The following MKLN1 variants were observed in gnomAD, a reference collection of about 807,000 sequenced individuals.
MKLN1 encodes muskelin.
Under a neutral mutation model 99.0 loss-of-function variants are expected in MKLN1, and 18 were observed. That is an observed-to-expected ratio of 0.18 (90% CI 0.13 to 0.27). The LOEUF is 0.27. MKLN1 is among the 10% of genes least tolerant of loss of function. The probability of loss-of-function intolerance (pLI) is 1.00; values close to 1 mark genes in which losing one functional copy is unlikely to be tolerated. For synonymous variants in MKLN1, 288 were observed against 293.2 expected, an observed-to-expected ratio of 0.98 and a Z score of 0.18; for missense variants, 621 against 875.9, an observed-to-expected ratio of 0.71 and a Z score of 3.67.
intron 1 of MKLN1, among the ~76,000 whole-genome samples, chr7:131,337,711 TA>T (rs1279811138): frequency 6.6e-6 from 1 of 151,182 alleles, no homozygotes; most frequent in Non-Finnish European, 1.5e-5. Flanking sequence ...TGCATCTTGT[TA>T]GGCCAAATAA....
chr7:131,434,981 A>G (rs1449776681), intron 9 of MKLN1, among the ~76,000 whole-genome samples: 2 of 152,258 alleles, frequency 1.3e-5, no homozygotes, highest in East Asian at 3.8e-4. Context: ...AGTGTTCAGT[A>G]TGTCATCATT....
intron 3 of MKLN1, among the ~76,000 whole-genome samples, chr7:131,216,701 G>A (rs1311187661): frequency 2.0e-5 from 3 of 152,172 alleles, no homozygotes; most frequent in African/African-American, 7.2e-5. Flanking sequence ...AGGTCCTTGT[G>A]CTTGGTAAAC....
intron 3 of MKLN1, among the ~76,000 whole-genome samples, chr7:131,263,390 T>C (rs941354105): frequency 9.5e-6 from 1 of 105,162 alleles, no homozygotes; most frequent in Non-Finnish European, 2.3e-5. Context: ...CTGGGTGTGG[T>C]GGCATATGCC....
chr7:131,170,053 G>A (rs1454356872), intron 2 of MKLN1, among the ~76,000 whole-genome samples: 1 of 152,094 alleles, frequency 6.6e-6, no homozygotes, highest in Non-Finnish European at 1.5e-5. Flanking sequence ...TCATGCCACT[G>A]CACTGTTGGA....
chr7:131,457,169 C>T (rs1356407226), intron 12 of MKLN1, among the ~76,000 whole-genome samples: 3 of 151,270 alleles, frequency 2.0e-5, no homozygotes, highest in Non-Finnish European at 2.9e-5. Context: ...CCCAGCTACT[C>T]GGGAGGCTGA....
rs908884002 is a variant in MKLN1 at position 131,491,627 on chromosome 7, A to G, written c.*3899A>G. On this transcript the variant is annotated 3_prime_UTR_variant, in exon 18 of 18. Transcript: ENST00000352689. ...TTTCCAAGTTTGTTGAAATAATACG[A>G]AGCTGACTAGCTTACGTGAATGATG... The G allele has an allele frequency of 4.6e-5, 7 of 152,192 alleles. No homozygotes were observed. The highest frequency in any genetic ancestry group is 7.2e-5 in the African/African-American group (3 of 41,444). The allele number at this position is 152,192 out of a possible 1,614,324, so 9.4% of individuals were successfully genotyped here. A position where few individuals can be genotyped will look rare whatever the true frequency, so the allele number is the denominator to read the frequency against.
chr7:131,370,404 C>T (rs1384428752), intron 1 of MKLN1, among the ~76,000 whole-genome samples: 10 of 126,072 alleles, frequency 7.9e-5, no homozygotes, highest in African/African-American at 1.8e-4. Context: ...TTTTTAAAGT[C>T]TTTAATTCTT....
chr7:131,280,743 G>A lies in MKLN1; in HGVS notation c.-179+77769G>A, dbSNP rs558225682. 9.2e-5 allele frequency among the ~76,000 whole-genome samples: 14 copies of A among 152,014 alleles called. No homozygotes were observed. In the South Asian group the frequency reaches 2.1e-3, roughly 23 times the overall value. Reference sequence around the variant, plus strand: ...GGCTCACAGCAACCTCCACCTTCCGGGTTAATGCAATTCTTGTGCCTCAGC... The same window carrying A: ...GGCTCACAGCAACCTCCACCTTCCGAGTTAATGCAATTCTTGTGCCTCAGC... On this transcript the variant is annotated intron_variant, in intron 3 of 7. Coordinates refer to the MKLN1 transcript ENST00000416992.
intron 15 of MKLN1, 46 bp downstream of exon 15, chr7:131,466,461 A>G (rs768974895): frequency 3.1e-5 from 44 of 1,400,510 alleles, no homozygotes; most frequent in African/African-American, 7.2e-5. Context: ...ATTATCAGCT[A>G]TATTTCTCTT....
chr7:131,127,483 T>A (rs1795482494), intron 1 of MKLN1, among the ~76,000 whole-genome samples: 1 of 152,132 alleles, frequency 6.6e-6, no homozygotes, highest in African/African-American at 2.4e-5. Context: ...AGAGAGCCCA[T>A]TGCCGGCCCA....
intron 3 of MKLN1, among the ~76,000 whole-genome samples, chr7:131,296,850 C>T (rs1798298031): frequency 6.6e-6 from 1 of 152,152 alleles, no homozygotes; most frequent in African/African-American, 2.4e-5. Flanking sequence ...GATCCTTCCA[C>T]CTCAGCCTCC....
chr7:131,355,180 A>G (rs745893513), intron 1 of MKLN1, among the ~76,000 whole-genome samples: 12 of 152,096 alleles, frequency 7.9e-5, no homozygotes, highest in African/African-American at 9.7e-5. Flanking sequence ...ATGCTTTAAC[A>G]TCTGACAGGG....
At chr7:131,363,421 GT>G (rs1323177356) in intron 1 of MKLN1, among the ~76,000 whole-genome samples, 1 of 151,884 alleles carries the variant, frequency 6.6e-6, no homozygotes, top group Non-Finnish European at 1.5e-5. Flanking sequence ...GTCTATTTCT[GT>G]TTCTTGCAAT....
At chr7:131,383,033 A>G (rs1793900432) in intron 2 of MKLN1, among the ~76,000 whole-genome samples, 1 of 152,116 alleles carries the variant, frequency 6.6e-6, no homozygotes, top group Admixed American at 6.6e-5. Context: ...AGCTACGGAT[A>G]TTTTATATAT....
chr7:131,393,113 A>G (rs1352082207), intron 4 of MKLN1, among the ~76,000 whole-genome samples: 1 of 152,146 alleles, frequency 6.6e-6, no homozygotes, highest in East Asian at 1.9e-4. Flanking sequence ...CCATTTTATG[A>G]AAAAAGGTGA....
intron 3 of MKLN1, among the ~76,000 whole-genome samples, chr7:131,279,546 A>G (rs1467045430): frequency 6.6e-6 from 1 of 152,176 alleles, no homozygotes; most frequent in Non-Finnish European, 1.5e-5. Flanking sequence ...GGTGGCTAAC[A>G]CTGGTAATCC....
intron 8 of MKLN1, among the ~76,000 whole-genome samples, chr7:131,419,253 T>G (rs1563338840): frequency 2.6e-5 from 1 of 38,862 alleles, no homozygotes; most frequent in Non-Finnish European, 6.9e-5. Flanking sequence ...TATATTTTTG[T>G]TTTTTTTTTT....
At chr7:131,448,648 A>G (rs755347092) in intron 12 of MKLN1, among the ~76,000 whole-genome samples, 1 of 152,078 alleles carries the variant, frequency 6.6e-6, no homozygotes, top group African/African-American at 2.4e-5. Context: ...GATTTTTTCC[A>G]TTATTGTGGT....
chr7:131,378,397 C>T (rs1793731423), intron 2 of MKLN1, among the ~76,000 whole-genome samples: 1 of 152,204 alleles, frequency 6.6e-6, no homozygotes, highest in South Asian at 2.1e-4. Flanking sequence ...CAGGCGTGAA[C>T]CATCATGCCT....
Sources: gnomAD v4.1 joint callset for allele counts (sites outside exome capture counted in the v4.1 genomes callset) on GRCh38, gnomAD v4.1.1 for gene constraint, MANE v1.5 for transcripts, NCBI Gene and HGNC (gene_info 2026-07-23, HGNC 2026-07-21) for gene names.